Variants in ZFYVE27 observed in about 807,000 individuals in gnomAD.
ZFYVE27 encodes protrudin.
A neutral mutation model predicts 52.8 loss-of-function variants in ZFYVE27; 36 were observed. The observed-to-expected ratio is 0.68, with a 90% CI of 0.52 to 0.90. The LOEUF (loss-of-function observed/expected upper bound fraction) is 0.90, where lower values mean the gene tolerates loss of function less well. Among genes scored for constraint, ZFYVE27 ranks in the 40% least tolerant of loss-of-function variants. The pLI is 0.00. For synonymous variants in ZFYVE27, 223 were observed against 215.6 expected (o/e 1.03, Z -0.30); for missense variants, 450 against 527.2 (o/e 0.85, Z 1.43).
At chr10:97,750,512 T>G in intron 7 of ZFYVE27, 42 bp downstream of exon 7, 1 of 1,611,710 alleles carries the variant, frequency 6.2e-7, no homozygotes. Context: ...TGGCCGCTTG[T>G]GGGCCCCCCT....
At chr10:97,754,684 T>C in intron 10 of ZFYVE27, 2 of 1,289,336 alleles carry the variant, frequency 1.6e-6, no homozygotes, top group Non-Finnish European at 2.0e-6. Context: ...CTGTTTACCC[T>C]CCATACTTGC....
Position 97,757,609 on chromosome 10 carries a change from A to AG in ZFYVE27, c.1090-30dup, listed in dbSNP as rs774610088. On this transcript the variant is annotated intron_variant, in intron 11 of 12. Coordinates refer to ENST00000684270, the MANE Select transcript of ZFYVE27 (RefSeq NM_001385875.1). ...TGAGAACTCCAGGTACCTGAGGGTG[A>AG]GGGACACATCTGACCTTGGCTCTTG... 9 of 1,609,554 alleles carry AG rather than the reference A, an allele frequency of 5.6e-6. No homozygotes were observed. The African/African-American group carries it at 1.1e-4, about 19-fold the overall frequency.
intron 10 of ZFYVE27, among the ~76,000 whole-genome samples, chr10:97,756,003 G>A (rs753290750): frequency 3.9e-5 from 6 of 152,300 alleles, no homozygotes; most frequent in Non-Finnish European, 7.4e-5. Context: ...GTCTGTGAGT[G>A]GGTTCACAGC....
Position 97,751,362 on chromosome 10 carries a change from T to C in ZFYVE27, c.805-29T>C, listed in dbSNP as rs568404251. Reference sequence around the variant, plus strand: ...TTAGGGAGCAGCGCTGCCATCCTTCTCCTTCTGTCATAGAGTCTCTCTTCC... The same window carrying C: ...TTAGGGAGCAGCGCTGCCATCCTTCCCCTTCTGTCATAGAGTCTCTCTTCC... On this transcript the variant is annotated intron_variant, in intron 7 of 12. Transcript: ENST00000684270. 15 of 1,612,692 alleles carry C rather than the reference T, an allele frequency of 9.3e-6. No homozygotes were observed. The East Asian group carries it at 2.9e-4, about 31-fold the overall frequency.
chr10:97,743,275 G>A (rs1296525959), intron 3 of ZFYVE27, 111 bp downstream of exon 3: 1 of 1,232,936 alleles, frequency 8.1e-7, no homozygotes, highest in Non-Finnish European at 1.2e-6. Flanking sequence ...CCTGGAGTTA[G>A]TGTTCCTCTG....
intron 10 of ZFYVE27, among the ~76,000 whole-genome samples, chr10:97,756,579 C>G (rs1043771565): frequency 5.3e-5 from 8 of 152,180 alleles, no homozygotes; most frequent in African/African-American, 1.9e-4. Context: ...TTGTTGTCTT[C>G]TAGCCATTTT....
At chr10:97,738,045 G>A (rs779217302) in intron 1 of ZFYVE27, among the ~76,000 whole-genome samples, 2 of 152,262 alleles carry the variant, frequency 1.3e-5, no homozygotes, top group Non-Finnish European at 2.9e-5. Flanking sequence ...GCGATGTGAT[G>A]TGATAAGTGC....
chr10:97,747,834 T>G (rs1222810935), intron 4 of ZFYVE27, among the ~76,000 whole-genome samples: 1 of 152,206 alleles, frequency 6.6e-6, no homozygotes, highest in African/African-American at 2.4e-5. Context: ...GGTTCATCCA[T>G]GTTTAAAAAA....
At chr10:97,747,887 G>A (rs1316587518) in intron 4 of ZFYVE27, among the ~76,000 whole-genome samples, 1 of 152,094 alleles carries the variant, frequency 6.6e-6, no homozygotes, top group Non-Finnish European at 1.5e-5. Flanking sequence ...TCACATCCCA[G>A]GTAGAGAATA....
intron 4 of ZFYVE27, among the ~76,000 whole-genome samples, chr10:97,746,028 CAT>C (rs398046319): frequency 0.014 from 1,868 of 129,238 alleles, 53 homozygotes; most frequent in Admixed American, 0.063. Context: ...TATATATACA[CAT>C]ATATATATAT....
intron 10 of ZFYVE27, among the ~76,000 whole-genome samples, chr10:97,754,041 G>A (rs565786170): frequency 6.6e-6 from 1 of 152,314 alleles, no homozygotes; most frequent in South Asian, 2.1e-4. Context: ...TGACCTGGGA[G>A]CTGCTGTGCT....
chr10:97,737,530 G>C (rs1342338451), intron 1 of ZFYVE27, among the ~76,000 whole-genome samples: 3 of 152,244 alleles, frequency 2.0e-5, no homozygotes, highest in African/African-American at 7.2e-5. Context: ...GCCCCTTCCT[G>C]GGCTCATACC....
At chr10:97,756,088 C>T (rs2048286042) in intron 10 of ZFYVE27, among the ~76,000 whole-genome samples, 1 of 152,142 alleles carries the variant, frequency 6.6e-6, no homozygotes, top group Non-Finnish European at 1.5e-5. Context: ...AGACCTTGGG[C>T]TCAGGTCAGT....
chr10:97,746,552 C>G (rs2136102316), intron 4 of ZFYVE27, among the ~76,000 whole-genome samples: 1 of 152,298 alleles, frequency 6.6e-6, no homozygotes, highest in African/African-American at 2.4e-5. Flanking sequence ...CAAGGACATT[C>G]TCTTAAATAT....
At chr10:97,757,444 T>A in intron 11 of ZFYVE27, 133 bp downstream of exon 11, 1 of 1,375,448 alleles carries the variant, frequency 7.3e-7, no homozygotes, top group Non-Finnish European at 1.0e-6. Flanking sequence ...CTGGAGTGAG[T>A]GTGCCCTCCC....
At position 97,760,135 on chromosome 10, in the gene ZFYVE27, A is replaced by C. The variant is rs2049272362; in HGVS notation, c.*835A>C. 6.6e-6 allele frequency: 1 copy of C among 152,280 alleles called. No individual in the cohort carries two copies. The highest frequency in any genetic ancestry group is 6.5e-5 in the Admixed American group (1 of 15,278). 9.4% of individuals were successfully genotyped at this position (152,280 alleles called of 1,614,324 possible). On this transcript the variant is annotated 3_prime_UTR_variant, in exon 13 of 13. Transcript: ENST00000684270. The stretch of plus-strand genomic sequence containing the variant: ...TGTCCAGAGTCTAGGGCAGTCCTCC[A>C]CTGGCCCAGCACTCCAGTTTCCTTT...
At chr10:97,754,313 CTTTTT>C (rs35784590) in intron 10 of ZFYVE27, among the ~76,000 whole-genome samples, 4 of 130,686 alleles carry the variant, frequency 3.1e-5, no homozygotes, top group African/African-American at 2.8e-5. Flanking sequence ...TTCAAGATCC[CTTTTT>C]TTTTTTTTTT....
chr10:97,753,408 T>C (rs192215213), intron 10 of ZFYVE27, among the ~76,000 whole-genome samples: 24 of 152,200 alleles, frequency 1.6e-4, no homozygotes, highest in Non-Finnish European at 3.2e-4. Flanking sequence ...TCCATCCTGA[T>C]TGGACATTCA....
intron 6 of ZFYVE27, 141 bp downstream of exon 6, chr10:97,749,727 A>C: frequency 4.2e-6 from 3 of 722,116 alleles, no homozygotes; most frequent in Non-Finnish European, 7.5e-6. Flanking sequence ...GTCCTCTCTC[A>C]TGGGCTCTGC....
Sources: allele counts gnomAD v4.1 joint callset (sites outside exome capture counted in the v4.1 genomes callset), GRCh38; gene constraint gnomAD v4.1.1; transcripts MANE v1.5; gene names NCBI Gene and HGNC (gene_info 2026-07-23, HGNC 2026-07-21).